AKR7A2: variants seen among roughly 807,000 people sequenced by gnomAD.
AKR7A2 encodes aldo-keto reductase family 7 member A2, also known as aflatoxin B1 aldehyde reductase member 2.
A neutral mutation model predicts 37.3 loss-of-function variants in AKR7A2; 29 were observed. That is an observed-to-expected ratio of 0.78 (90% CI 0.58 to 1.06). The LOEUF is 1.06. Ranked by LOEUF, AKR7A2 falls within the 50% of genes least tolerant of loss-of-function variation. The pLI is 0.00. For synonymous variants in AKR7A2, 228 were observed against 217.8 expected, an observed-to-expected ratio of 1.05 and a Z score of -0.41; for missense variants, 529 against 497.9, an observed-to-expected ratio of 1.06 and a Z score of -0.59.
At position 19,304,372 on chromosome 1, in the gene AKR7A2, G is replaced by A. The variant is rs147497678; in HGVS notation, c.933C>T (p.Asp311=). 115 of 1,613,908 alleles carry A rather than the reference G, an allele frequency of 7.1e-5. 1 individual carries two copies. Among genetic ancestry groups the A allele is most frequent in the African/African-American group, 1.9e-4 (14 of 74,876 alleles). The change falls in exon 7 of 7, where the codon GAC becomes GAT. Residue 311 remains aspartate (D), a synonymous_variant. Transcript: ENST00000235835. ...HHSQLQGAHG[D]AVILGMSSLE... is the part of the protein sequence containing the mutation. ...GGCTGGACATGCCCAGGATGACCGC[G>A]TCCCCGTGGGCACCCTGCAAGGGAG...
chr1:19,306,099 G>A lies in AKR7A2; in HGVS notation c.837C>T (p.Ala279=). ...CGCTGGCGCCATATGCGGCCTGCAG[G>A]GCCTTCTCCACCAACGCAATGGCCT... ...HFEAIALVEK[A]LQAAYGASAP... is the part of the protein sequence containing the mutation. The change falls in exon 6 of 7, where the codon GCC becomes GCT. Residue 279 remains alanine (A), a synonymous_variant. Coordinates refer to ENST00000235835, the MANE Select transcript of AKR7A2 (RefSeq NM_003689.4). 1 of 1,614,210 alleles carries A rather than the reference G, an allele frequency of 6.2e-7. No homozygotes were observed. The highest frequency in any genetic ancestry group is 8.5e-7 in the Non-Finnish European group (1 of 1,180,006).
chr1:19,306,282 T>G, intron 5 of AKR7A2, 135 bp from the exon 6 acceptor site: 5 of 1,264,422 alleles, frequency 4.0e-6, no homozygotes, highest in Non-Finnish European at 5.6e-6. Context: ...TCTCTAGTCA[T>G]AGGTCTCCCA....
At chr1:19,310,343 C>T (rs906047567) in intron 1 of AKR7A2, among the ~76,000 whole-genome samples, 4 of 152,052 alleles carry the variant, frequency 2.6e-5, no homozygotes, top group Admixed American at 6.5e-5. Context: ...GCCCCAAAGA[C>T]GGAAGCGGGG....
intron 1 of AKR7A2, among the ~76,000 whole-genome samples, chr1:19,311,235 G>C (rs1489988185): frequency 6.6e-6 from 1 of 152,150 alleles, no homozygotes; most frequent in African/African-American, 2.4e-5. Flanking sequence ...CCTGTGGAGG[G>C]CTGGAATCAC....
At chr1:19,310,725 C>T (rs577509202) in intron 1 of AKR7A2, among the ~76,000 whole-genome samples, 16 of 151,854 alleles carry the variant, frequency 1.1e-4, no homozygotes, top group African/African-American at 3.4e-4. Context: ...CTAGAAACAG[C>T]GTGGGCCTGA....
intron 5 of AKR7A2, 107 bp downstream of exon 5, chr1:19,306,895 G>C: frequency 2.0e-6 from 2 of 986,308 alleles, no homozygotes; most frequent in Non-Finnish European, 3.3e-6. Flanking sequence ...CAGGGGAGGA[G>C]ATGCAAACAG....
chr1:19,306,150 G>GT lies in AKR7A2; in HGVS notation c.789-4dup, dbSNP rs1377124288. On this transcript the variant is annotated splice_region_variant and splice_polypyrimidine_tract_variant and intron_variant, in intron 5 of 6. Transcript: ENST00000235835. ...CGAAGTGGTGCTCCTTCCAGAAGCTGTGCAGAGGGGATGTTAGCACAGGGG... is the reference window on the plus strand; with the variant it reads ...CGAAGTGGTGCTCCTTCCAGAAGCTGTTGCAGAGGGGATGTTAGCACAGGGG... The GT allele has an allele frequency of 6.2e-7, 1 of 1,614,080 alleles. No homozygotes were observed. Among genetic ancestry groups the GT allele is most frequent in the African/African-American group, 1.3e-5 (1 of 74,934 alleles).
At position 19,311,865 on chromosome 1, in the gene AKR7A2, C is replaced by T. The variant is rs1416392835; in HGVS notation, c.260G>A (p.Gly87Asp). 28 of 1,610,774 alleles carry T rather than the reference C, an allele frequency of 1.7e-5. No homozygotes were observed. The highest frequency in any genetic ancestry group is 2.4e-5 in the Non-Finnish European group (28 of 1,179,604). Residue 87 changes from glycine (G) to aspartate (D), a missense_variant, in exon 1 of 7, where the codon GGC (glycine) becomes GAC (aspartate). Coordinates refer to ENST00000235835, the MANE Select transcript of AKR7A2 (RefSeq NM_003689.4). The stretch of plus-strand genomic sequence containing the variant: ...ACCGCCCAGCCCGAGCCCCAGGCCG[C>T]CCAGGATGGTCTCGGACTGGCCGTC... ...YSDGQSETIL[G>D]GLGLGLGGGD...
At chr1:19,308,402 A>G (rs1294856593) in intron 2 of AKR7A2, 53 bp downstream of exon 2, 3 of 1,602,710 alleles carry the variant, frequency 1.9e-6, no homozygotes, top group East Asian at 2.2e-5. Context: ...GAGTAGGATC[A>G]GGATAAAGAA....
rs990015970 is a variant in AKR7A2 at position 19,308,599 on chromosome 1, T to C, written c.342A>G (p.Leu114=). 1.9e-6 allele frequency: 3 copies of C among 1,614,062 alleles called. No individual in the cohort carries two copies. In the African/African-American group the frequency reaches 4.0e-5, roughly 22 times the overall value. Residue 114 remains leucine, a synonymous_variant, in exon 2 of 7, where the codon CTA becomes CTG. Transcript: ENST00000235835. The part of the protein sequence containing the change: ...TKANPWDGKS[L]KPDSVRSQLE... ...GCTGGGACCGGACACTGTCAGGCTT[T>C]AGTGATTTTCCATCCCAAGGGTTGG...
In AKR7A2 at chr1:19,306,034, T is replaced by C. The variant is rs762098101; in HGVS notation, c.902A>G (p.His301Arg). 6.2e-7 allele frequency: 1 copy of C among 1,614,016 alleles called. No homozygotes were observed. The highest frequency in any genetic ancestry group is 8.5e-7 in the Non-Finnish European group (1 of 1,179,918). The change falls in exon 6 of 7, where the codon CAC (histidine) becomes CGC (arginine). Residue 301 changes from histidine (H) to arginine (R), a missense_variant. His to Arg is a conservative substitution (Grantham distance 29, BLOSUM62 0). Coordinates refer to ENST00000235835, the MANE Select transcript of AKR7A2 (RefSeq NM_003689.4). The part of the protein sequence containing the change: ...VTSAALRWMY[H>R]HSQLQGAHGD... ...GCTGGTTACCTGCAGCTGTGAGTGG[T>C]GGTACATCCACCGGAGGGCAGCCGA...
rs900253233 is a variant in AKR7A2, at chr1:19,307,883, G to T, written c.591+275C>A. On this transcript the variant is annotated intron_variant, in intron 3 of 6. Coordinates refer to ENST00000235835, the MANE Select transcript of AKR7A2 (RefSeq NM_003689.4). ...GTAAGGCCTGAGTGCTTCTCCCAGG[G>T]AGGAGGGCAGGGGAAATGTGTTCCA... The T allele has an allele frequency of 3.5e-5, 20 of 564,932 alleles. No individual in the cohort carries two copies. The African/African-American group carries it at 3.8e-4, about 11-fold the overall frequency. 35.0% of individuals were successfully genotyped at this position (564,932 alleles called of 1,614,324 possible). A position where few individuals can be genotyped will look rare whatever the true frequency, so the allele number is the denominator to read the frequency against.
intron 1 of AKR7A2, 76 bp downstream of exon 1, chr1:19,311,751 C>G (rs1392082650): frequency 6.3e-7 from 1 of 1,584,584 alleles, no homozygotes; most frequent in South Asian, 1.1e-5. Flanking sequence ...GCGGCCGGGC[C>G]CGAGCGGGGT....
chr1:19,305,908 GAA>G, intron 6 of AKR7A2, 108 bp downstream of exon 6: 1 of 1,580,974 alleles, frequency 6.3e-7, no homozygotes, highest in African/African-American at 1.4e-5. Context: ...AGAATTGGAA[GAA>G]AGAAAAATTT....
chr1:19,306,973 C>T, intron 5 of AKR7A2, 29 bp downstream of exon 5: 1 of 1,601,906 alleles, frequency 6.2e-7, no homozygotes, highest in Non-Finnish European at 8.6e-7. Context: ...CCACCCCAGC[C>T]ATCCTCACCA....
chr1:19,305,690 A>G (rs1179486841), intron 6 of AKR7A2, among the ~76,000 whole-genome samples: 1 of 152,194 alleles, frequency 6.6e-6, no homozygotes, highest in Non-Finnish European at 1.5e-5. Context: ...AGAGAAACCA[A>G]AAGGGTGAGA....
At chr1:19,311,745 C>A in intron 1 of AKR7A2, 82 bp downstream of exon 1, 1 of 1,571,358 alleles carries the variant, frequency 6.4e-7, no homozygotes, top group Non-Finnish European at 8.7e-7. Flanking sequence ...CTGCCCGCGG[C>A]CGGGCCCGAG....
chr1:19,308,501 G>A lies in AKR7A2; in HGVS notation c.440C>T (p.Thr147Ile), dbSNP rs371315371. The A allele has an allele frequency of 3.7e-6, 6 of 1,614,074 alleles. No individual in the cohort carries two copies. Among genetic ancestry groups the A allele is most frequent in the African/African-American group, 1.3e-5 (1 of 74,940 alleles). ...GGCATGCAGCGTCTCTTCCACCGGGGTGCCGTGGTCAGGTGCGTGTAGGTA... is the reference window on the plus strand; with the variant it reads ...GGCATGCAGCGTCTCTTCCACCGGGATGCCGTGGTCAGGTGCGTGTAGGTA... The part of the protein sequence containing the change: ...LFYLHAPDHG[T>I]PVEETLHACQ... The change falls in exon 2 of 7, where the codon ACC (threonine) becomes ATC (isoleucine). Residue 147 changes from threonine (T) to isoleucine (I), a missense_variant. Physicochemically the swap from Thr to Ile is moderately conservative, Grantham distance 89. Coordinates refer to ENST00000235835, the MANE Select transcript of AKR7A2 (RefSeq NM_003689.4).
intron 1 of AKR7A2, among the ~76,000 whole-genome samples, chr1:19,310,558 C>T (rs1207442574): frequency 5.9e-5 from 9 of 151,994 alleles, no homozygotes; most frequent in African/African-American, 7.3e-5. Context: ...ATTAGCTGGG[C>T]GTGGCCGTGT....
Sources: gnomAD v4.1 joint callset for allele counts (sites outside exome capture counted in the v4.1 genomes callset) on GRCh38, gnomAD v4.1.1 for gene constraint, MANE v1.5 for transcripts, NCBI Gene and HGNC (gene_info 2026-07-23, HGNC 2026-07-21) for gene names.